Variants in PTPRM observed in about 807,000 individuals in gnomAD.
PTPRM encodes the protein protein tyrosine phosphatase receptor type M, also known as receptor-type tyrosine-protein phosphatase mu.
PTPRM carries 47 observed loss-of-function variants against 186.7 expected under a neutral mutation model. That is an observed-to-expected ratio of 0.25 (90% CI 0.20 to 0.32). The LOEUF (loss-of-function observed/expected upper bound fraction) is 0.32. Ranked by LOEUF, PTPRM falls within the 10% of genes least tolerant of loss-of-function variation. The pLI is 1.00. For synonymous variants in PTPRM, 668 were observed against 674.9 expected (o/e 0.99, Z 0.16); for missense variants, 1,494 against 1,865.0 (o/e 0.80, Z 3.66).
chr18:8,053,834 T>C (rs1314013866), intron 7 of PTPRM, among the ~76,000 whole-genome samples: 3 of 152,136 alleles, frequency 2.0e-5, no homozygotes, highest in Admixed American at 1.3e-4. Context: ...AATGAGGTTT[T>C]GGATTTTTAT....
intron 21 of PTPRM, among the ~76,000 whole-genome samples, chr18:8,318,285 C>CTTTTTTTTTTT (rs140026832): frequency 1.7e-5 from 1 of 59,906 alleles, no homozygotes; most frequent in Non-Finnish European, 2.8e-5. Flanking sequence ...TTGTTTCCTT[C>CTTTTTTTTTTT]TTTTTTTTTT....
At chr18:7,588,877 T>C in intron 1 of PTPRM, among the ~76,000 whole-genome samples, 1 of 152,170 alleles carries the variant, frequency 6.6e-6, no homozygotes, top group East Asian at 1.9e-4. Context: ...ATTGCTTTAC[T>C]TTTGCTCTGT....
intron 1 of PTPRM, among the ~76,000 whole-genome samples, chr18:7,589,510 G>T (rs118149518): frequency 4.6e-5 from 7 of 152,098 alleles, no homozygotes; most frequent in African/African-American, 1.7e-4. Flanking sequence ...AATCTTTCTA[G>T]ATAGAGACCT....
intron 1 of PTPRM, among the ~76,000 whole-genome samples, chr18:7,683,022 T>C (rs2039514619): frequency 6.6e-6 from 1 of 152,192 alleles, no homozygotes; most frequent in Admixed American, 6.5e-5. Flanking sequence ...TGCTGTGTAA[T>C]GTTTAGCCCC....
At chr18:7,610,314 A>G (rs1229663676) in intron 1 of PTPRM, among the ~76,000 whole-genome samples, 1 of 152,154 alleles carries the variant, frequency 6.6e-6, no homozygotes, top group Non-Finnish European at 1.5e-5. Context: ...TAATTTTTAA[A>G]CTTTAAAATC....
chr18:8,213,634 A>C (rs537286683), intron 14 of PTPRM, among the ~76,000 whole-genome samples: 6 of 152,334 alleles, frequency 3.9e-5, no homozygotes, highest in African/African-American at 1.4e-4. Context: ...CATGAAGGGC[A>C]CATGAAAGCT....
chr18:7,861,387 A>G (rs867200612), intron 2 of PTPRM, among the ~76,000 whole-genome samples: 5 of 152,146 alleles, frequency 3.3e-5, no homozygotes, highest in South Asian at 2.1e-4. Flanking sequence ...GAGACTAACA[A>G]TTACTCACTG....
intron 7 of PTPRM, among the ~76,000 whole-genome samples, chr18:8,022,785 C>G (rs1214986777): frequency 1.3e-5 from 2 of 152,186 alleles, no homozygotes; most frequent in African/African-American, 4.8e-5. Context: ...TAAGAAGTCA[C>G]TCTGTCATTC....
chr18:7,838,986 C>A (rs910552050), intron 2 of PTPRM, among the ~76,000 whole-genome samples: 2 of 152,200 alleles, frequency 1.3e-5, no homozygotes, highest in African/African-American at 4.8e-5. Context: ...AGACTACCAC[C>A]AGAGCTCCCT....
At chr18:8,360,460 A>T (rs938245490) in intron 23 of PTPRM, among the ~76,000 whole-genome samples, 2 of 152,178 alleles carry the variant, frequency 1.3e-5, no homozygotes, top group Non-Finnish European at 2.9e-5. Context: ...TGCCTGAATT[A>T]CAGGTTTGTA....
intron 1 of PTPRM, among the ~76,000 whole-genome samples, chr18:7,772,304 TCTTC>T (rs773608241): frequency 2.8e-5 from 4 of 145,296 alleles, no homozygotes; most frequent in African/African-American, 8.4e-5. Flanking sequence ...TTCCTTCCTC[TCTTC>T]CTTCCTTCCT....
chr18:8,115,382 G>A (rs1410873873), intron 13 of PTPRM, among the ~76,000 whole-genome samples: 1 of 152,152 alleles, frequency 6.6e-6, no homozygotes, highest in Non-Finnish European at 1.5e-5. Context: ...GATAGAGGAT[G>A]AGCTGCAAAA....
At chr18:7,816,583 A>G (rs2145555265) in intron 2 of PTPRM, among the ~76,000 whole-genome samples, 1 of 152,320 alleles carries the variant, frequency 6.6e-6, no homozygotes, top group East Asian at 1.9e-4. Context: ...TAAATCATGA[A>G]CAAGTTCTTC....
chr18:8,319,911 G>A (rs1319735507), intron 22 of PTPRM, among the ~76,000 whole-genome samples: 1 of 152,152 alleles, frequency 6.6e-6, no homozygotes, highest in Non-Finnish European at 1.5e-5. Context: ...TGTTGAGGAA[G>A]CTCATGGCAG....
At chr18:8,351,822 C>T (rs1222366452) in intron 23 of PTPRM, among the ~76,000 whole-genome samples, 1 of 152,186 alleles carries the variant, frequency 6.6e-6, no homozygotes, top group African/African-American at 2.4e-5. Context: ...AGAAAGGAGG[C>T]ACTAACGAAT....
At chr18:7,791,239 CT>C (rs549711173) in intron 2 of PTPRM, among the ~76,000 whole-genome samples, 23 of 150,654 alleles carry the variant, frequency 1.5e-4, no homozygotes, top group East Asian at 9.8e-4. Context: ...GTCTAGATCC[CT>C]TTTTTTTTCA....
At chr18:7,613,041 C>T (rs886982822) in intron 1 of PTPRM, among the ~76,000 whole-genome samples, 20 of 152,148 alleles carry the variant, frequency 1.3e-4, no homozygotes, top group Non-Finnish European at 5.9e-5. Context: ...AAACCAGCGT[C>T]CCATCTGTGA....
intron 2 of PTPRM, among the ~76,000 whole-genome samples, chr18:7,875,474 C>A (rs1015740830): frequency 3.3e-5 from 5 of 151,912 alleles, no homozygotes; most frequent in African/African-American, 9.7e-5. Context: ...CAGGCGTGCA[C>A]CACCATGCCT....
At chr18:8,371,104 C>A in intron 24 of PTPRM, 98 bp downstream of exon 24, 2 of 641,942 alleles carry the variant, frequency 3.1e-6, no homozygotes, top group Non-Finnish European at 5.2e-6. Flanking sequence ...ATGCTCATAT[C>A]TCAATGCAGG....
Sources: gnomAD v4.1 joint callset for allele counts (sites outside exome capture counted in the v4.1 genomes callset) on GRCh38, gnomAD v4.1.1 for gene constraint, MANE v1.5 for transcripts, NCBI Gene and HGNC (gene_info 2026-07-23, HGNC 2026-07-21) for gene names.